GFOD1: variants seen among roughly 807,000 people sequenced by gnomAD.
GFOD1 encodes the protein glucose-fructose oxidoreductase domain-containing protein 1.
A neutral mutation model predicts 25.4 loss-of-function variants in GFOD1; 9 were observed. The ratio of observed to expected loss-of-function variants is 0.35; its 90% confidence interval spans 0.21 to 0.62. The LOEUF (loss-of-function observed/expected upper bound fraction) is 0.62, where lower values mean the gene tolerates loss of function less well. GFOD1 is among the 20% of genes least tolerant of loss of function. The pLI, the probability that GFOD1 is intolerant of heterozygous loss-of-function variation, is 0.72. For missense variants in GFOD1, 403 were observed against 556.9 expected, an observed-to-expected ratio of 0.72 and a Z score of 2.78; for synonymous variants, 253 against 245.6, an observed-to-expected ratio of 1.03 and a Z score of -0.28.
intron 1 of GFOD1, among the ~76,000 whole-genome samples, chr6:13,396,772 G>T (rs939655806): frequency 6.6e-6 from 1 of 152,138 alleles, no homozygotes; most frequent in African/African-American, 2.4e-5. Flanking sequence ...TCTAGAAGCT[G>T]GAAAAGGCAA....
At position 13,406,527 on chromosome 6, in the gene GFOD1, G is replaced by C. The variant is rs141690529; in HGVS notation, c.254-40865C>G. ...ACGGGAGGGGAGGGCAGAAAGAAGA[G>C]AGCGAGAGCACAATCGAGAGTGAGA... On this transcript the variant is annotated intron_variant, in intron 1 of 1. Transcript: ENST00000379287. 3.3e-3 allele frequency among the ~76,000 whole-genome samples: 507 copies of C among 152,312 alleles called. 5 individuals are homozygous for C. Among genetic ancestry groups the C allele is most frequent in the African/African-American group, 0.012 (487 of 41,564 alleles).
At chr6:13,403,751 AT>A (rs1396129715) in intron 1 of GFOD1, among the ~76,000 whole-genome samples, 1 of 152,224 alleles carries the variant, frequency 6.6e-6, no homozygotes, top group Non-Finnish European at 1.5e-5. Flanking sequence ...ATATTATGAC[AT>A]GTGAAAGAAG....
At chr6:13,437,305 C>T (rs1757848820) in intron 1 of GFOD1, among the ~76,000 whole-genome samples, 1 of 152,140 alleles carries the variant, frequency 6.6e-6, no homozygotes, top group East Asian at 1.9e-4. Context: ...TTTCTCTAAC[C>T]ACAGCAAATG....
intron 1 of GFOD1, among the ~76,000 whole-genome samples, chr6:13,464,861 CGTGTGTGTGTGTGTGTGTGT>C (rs36218477): frequency 7.5e-5 from 11 of 146,730 alleles, no homozygotes; most frequent in East Asian, 2.0e-4. Flanking sequence ...TTCCTCTTTC[CGTGTGTGTGTGTGTGTGTGT>C]GTGTGTGTGT....
chr6:13,475,592 C>T (rs2127578459), intron 1 of GFOD1, among the ~76,000 whole-genome samples: 1 of 151,792 alleles, frequency 6.6e-6, no homozygotes, highest in South Asian at 2.1e-4. Context: ...GTGACGGATG[C>T]CTGTAATCTC....
intron 1 of GFOD1, among the ~76,000 whole-genome samples, chr6:13,479,353 T>G (rs1480975523): frequency 1.3e-5 from 2 of 152,212 alleles, no homozygotes; most frequent in Non-Finnish European, 2.9e-5. Flanking sequence ...TAGTGTTAGC[T>G]GTGTGTTATT....
intron 1 of GFOD1, among the ~76,000 whole-genome samples, chr6:13,447,740 CAAAAAAAAAAAAA>C (rs34431944): frequency 0.018 from 576 of 31,930 alleles, 15 homozygotes; most frequent in African/African-American, 0.063. Context: ...GACTCCTTCT[CAAAAAAAAAAAAA>C]AAAAAAAAAA....
chr6:13,373,467 T>C (rs2127556399), intron 1 of GFOD1, among the ~76,000 whole-genome samples: 1 of 152,304 alleles, frequency 6.6e-6, no homozygotes, highest in African/African-American at 2.4e-5. Context: ...AGAGGTTCAT[T>C]AGATTCTTAA....
chr6:13,436,572 T>A (rs1159891573), intron 1 of GFOD1, among the ~76,000 whole-genome samples: 1 of 152,226 alleles, frequency 6.6e-6, no homozygotes, highest in Non-Finnish European at 1.5e-5. Context: ...ATGACACAAT[T>A]CACTTAACCC....
chr6:13,482,824 T>C (rs1341342200), intron 1 of GFOD1, among the ~76,000 whole-genome samples: 1 of 152,128 alleles, frequency 6.6e-6, no homozygotes, highest in Admixed American at 6.5e-5. Context: ...TTGAAAAATA[T>C]ATATTATTTT....
chr6:13,371,549 T>C (rs1380278701), intron 1 of GFOD1, among the ~76,000 whole-genome samples: 1 of 152,220 alleles, frequency 6.6e-6, no homozygotes, highest in Non-Finnish European at 1.5e-5. Context: ...TGCAGAGAAT[T>C]AGGCAAAGGG....
chr6:13,383,198 A>G (rs476904), intron 1 of GFOD1, among the ~76,000 whole-genome samples: 87,913 of 152,046 alleles, frequency 0.58, 25,663 homozygotes, highest in East Asian at 0.73. Flanking sequence ...TTTATTAAGA[A>G]CCTACTGGAG....
chr6:13,484,458 G>C (rs187361079), intron 1 of GFOD1, among the ~76,000 whole-genome samples: 4 of 152,220 alleles, frequency 2.6e-5, no homozygotes, highest in Admixed American at 1.3e-4. Flanking sequence ...CCACCCCACT[G>C]TGCACTCGCA....
intron 1 of GFOD1, among the ~76,000 whole-genome samples, chr6:13,482,564 T>C (rs58916275): frequency 0.027 from 4,078 of 151,942 alleles, 180 homozygotes; most frequent in African/African-American, 0.092. Context: ...CTGGCCAACA[T>C]AGGGAAACCC....
intron 1 of GFOD1, among the ~76,000 whole-genome samples, chr6:13,390,172 A>G (rs1192323978): frequency 1.3e-5 from 2 of 152,160 alleles, no homozygotes; most frequent in Non-Finnish European, 2.9e-5. Context: ...ATCATATGAC[A>G]TCTGGAATTC....
chr6:13,415,225 C>T (rs1447060923), intron 1 of GFOD1, among the ~76,000 whole-genome samples: 1 of 152,164 alleles, frequency 6.6e-6, no homozygotes, highest in Admixed American at 6.5e-5. Flanking sequence ...CTCCTAAAGC[C>T]AATCCCCTCC....
At chr6:13,469,399 G>T in intron 1 of GFOD1, 1 of 984,892 alleles carries the variant, frequency 1.0e-6, no homozygotes, top group Non-Finnish European at 1.2e-6. Flanking sequence ...GATACATGCA[G>T]TCCCCAGGCT....
chr6:13,385,839 C>T (rs1785462711), intron 1 of GFOD1, among the ~76,000 whole-genome samples: 1 of 152,136 alleles, frequency 6.6e-6, no homozygotes. Context: ...TACATTAAAT[C>T]CCAACTTCTA....
At chr6:13,457,028 T>A (rs1414024894) in intron 1 of GFOD1, among the ~76,000 whole-genome samples, 2 of 152,148 alleles carry the variant, frequency 1.3e-5, no homozygotes, top group African/African-American at 4.8e-5. Flanking sequence ...AAATCAAAGA[T>A]GGGGCTTTTC....
Sources: gnomAD v4.1 joint callset for allele counts (sites outside exome capture counted in the v4.1 genomes callset) on GRCh38, gnomAD v4.1.1 for gene constraint, MANE v1.5 for transcripts, NCBI Gene and HGNC (gene_info 2026-07-23, HGNC 2026-07-21) for gene names.